Variants in UPF1 observed in about 807,000 individuals in gnomAD.
The protein encoded by UPF1 is UPF1 RNA helicase and ATPase, also known as regulator of nonsense transcripts 1.
UPF1 carries 9 observed loss-of-function variants against 129.2 expected under a neutral mutation model. That is an observed-to-expected ratio of 0.07 (90% confidence interval 0.04 to 0.12). The LOEUF is 0.12. UPF1 is among the 10% of genes least tolerant of loss of function. UPF1 has a pLI of 1.00. For synonymous variants in UPF1, 649 were observed against 644.9 expected (o/e 1.01, Z -0.10); for missense variants, 788 against 1,525.3 (o/e 0.52, Z 8.05).
At chr19:18,866,202 G>T (rs1374754715) in intron 23 of UPF1, 36 bp downstream of exon 23, 2 of 1,529,730 alleles carry the variant, frequency 1.3e-6, no homozygotes, top group South Asian at 1.2e-5. Flanking sequence ...CCCCACCCCA[G>T]CCTCAAGGAG....
At chr19:18,835,819 T>G (rs2055478070) in intron 1 of UPF1, among the ~76,000 whole-genome samples, 1 of 152,206 alleles carries the variant, frequency 6.6e-6, no homozygotes, top group Non-Finnish European at 1.5e-5. Flanking sequence ...TGGATGTGTT[T>G]ATAGACCTGC....
rs1253410526 is a variant in UPF1, at chr19:18,863,110, G to A, written c.2601-328G>A. The A allele has an allele frequency of 1.9e-5, 5 of 264,962 alleles. No homozygotes were observed. In the East Asian group the frequency reaches 2.3e-4, roughly 12 times the overall value. The allele number at this position is 264,962 out of a possible 1,614,324, so 16.4% of individuals were successfully genotyped here. The stretch of plus-strand genomic sequence containing the variant: ...GGGCATCGGGTCAGTGCCCCGGCCT[G>A]CTGGGGGCCCTGTGGGGCCGCGTGT... On this transcript the variant is annotated intron_variant, in intron 18 of 23. Transcript: ENST00000262803.
rs1053370590 is a variant in UPF1, at chr19:18,853,626, T to C, written c.1156+276T>C. On this transcript the variant is annotated intron_variant, in intron 8 of 23. Transcript: ENST00000262803. This position sits in a 1 kb window ranked among gnomAD's most constrained non-coding sequence, Gnocchi z 4.4. ...TCCCTGGGCTGACTCTGGAAGTTAA[T>C]GTATGCCGCTTGTGTGGCACGTCCC... Among the ~76,000 whole-genome samples, 8 of 152,190 alleles carry C rather than the reference T, an allele frequency of 5.3e-5. No individual in the cohort carries two copies. The highest frequency in any genetic ancestry group is 1.9e-4 in the African/African-American group (8 of 41,454).
rs560523571 is a variant in UPF1 at position 18,865,172 on chromosome 19, C to G, written c.2858-117C>G. On this transcript the variant is annotated intron_variant, in intron 20 of 23. Transcript: ENST00000262803. This position sits in a 1 kb window ranked among gnomAD's most constrained non-coding sequence, Gnocchi z 6.1. ...AGTCCTGCGAATCCGCATCTTCAGC[C>G]TGGGCAGAGCCAGGACAGATGTGCA... 1 of 1,310,788 alleles carries G rather than the reference C, an allele frequency of 7.6e-7. No homozygotes were observed. The highest frequency in any genetic ancestry group is 1.5e-5 in the South Asian group (1 of 66,576). 81.2% of individuals were successfully genotyped at this position (1,310,788 alleles called of 1,614,324 possible).
intron 13 of UPF1, 29 bp downstream of exon 13, chr19:18,856,329 C>A: frequency 6.4e-7 from 1 of 1,566,370 alleles, no homozygotes; most frequent in Non-Finnish European, 8.7e-7. Context: ...TGCAAAAGGG[C>A]CTGTGGGCTG....
At position 18,856,021 on chromosome 19, in the gene UPF1, G is replaced by A. The variant is rs1263191964; in HGVS notation, c.1641G>A (p.Lys547=). The A allele has an allele frequency of 6.2e-7, 1 of 1,614,058 alleles. No individual in the cohort carries two copies. The highest frequency in any genetic ancestry group is 1.7e-5 in the Admixed American group (1 of 60,028). The part of the protein sequence containing the change: ...TGLKVVRLCA[K]SREAIDSPVS... ...TAAAGGTCGTGCGCCTCTGCGCCAAGAGCCGTGAGGCCATCGACTCCCCGG... is the reference window on the plus strand; with the variant it reads ...TAAAGGTCGTGCGCCTCTGCGCCAAAAGCCGTGAGGCCATCGACTCCCCGG... The change falls in exon 12 of 24, where the codon AAG becomes AAA. Residue 547 remains lysine, a synonymous_variant. Transcript: ENST00000262803.
intron 6 of UPF1, 28 bp from the exon 7 acceptor site, chr19:18,852,959 C>G: frequency 1.3e-6 from 2 of 1,598,536 alleles, no homozygotes; most frequent in Non-Finnish European, 8.6e-7. Context: ...TGGAGGCTAA[C>G]CGGGGCTCTT....
Position 18,868,163 on chromosome 19 carries a change from G to T in UPF1, c.*1646G>T, listed in dbSNP as rs889060219. ...CCCAGGCGCACTGTACCAAGGCAAT[G>T]TAACTTTTGATTTTCGGTCAATTTA... On this transcript the variant is annotated 3_prime_UTR_variant, in exon 24 of 24. Coordinates refer to ENST00000262803, the MANE Select transcript of UPF1 (RefSeq NM_002911.4). 33 of 236,500 alleles carry T rather than the reference G, an allele frequency of 1.4e-4. No individual in the cohort carries two copies. Among genetic ancestry groups the T allele is most frequent in the African/African-American group, 7.4e-4 (33 of 44,640 alleles). 14.7% of individuals were successfully genotyped at this position (236,500 alleles called of 1,614,324 possible).
chr19:18,838,940 C>T (rs928870214), intron 1 of UPF1, among the ~76,000 whole-genome samples: 11 of 151,958 alleles, frequency 7.2e-5, no homozygotes, highest in African/African-American at 1.5e-4. Context: ...TTCAGGATGA[C>T]GGGGTGGGGG....
In UPF1 at chr19:18,850,046, G is replaced by C; in HGVS notation, c.462-29G>C. 6.2e-7 allele frequency: 1 copy of C among 1,613,820 alleles called. No homozygotes were observed. Among genetic ancestry groups the C allele is most frequent in the Non-Finnish European group, 8.5e-7 (1 of 1,179,874 alleles). On this transcript the variant is annotated intron_variant, in intron 3 of 23. Transcript: ENST00000262803. This position sits in a 1 kb window ranked among gnomAD's most constrained non-coding sequence, Gnocchi z 7.1. ...AGTGGTGAAAAGCCAAATTTTGGGT[G>C]TTAACCGTTTATCATTTCCTGGTTT... is the stretch of plus-strand genomic sequence containing the variant.
At chr19:18,841,076 G>A (rs752602864) in intron 1 of UPF1, among the ~76,000 whole-genome samples, 6 of 152,340 alleles carry the variant, frequency 3.9e-5, no homozygotes, top group South Asian at 2.1e-4. Context: ...TGCCTGCACC[G>A]TCCTCACCTC....
In UPF1 at chr19:18,865,194, T is replaced by C. The variant is rs1448756687; in HGVS notation, c.2858-95T>C. 1 of 1,425,582 alleles carries C rather than the reference T, an allele frequency of 7.0e-7. No individual in the cohort carries two copies. The highest frequency in any genetic ancestry group is 9.5e-7 in the Non-Finnish European group (1 of 1,053,382). 88.3% of individuals were successfully genotyped at this position (1,425,582 alleles called of 1,614,324 possible). A position where few individuals can be genotyped will look rare whatever the true frequency, so the allele number is the denominator to read the frequency against. ...AGCCTGGGCAGAGCCAGGACAGATG[T>C]GCAGCTCCGGCTGACTGGCTGGTGG... On this transcript the variant is annotated intron_variant, in intron 20 of 23. Coordinates refer to ENST00000262803, the MANE Select transcript of UPF1 (RefSeq NM_002911.4). This position sits in a 1 kb window ranked among gnomAD's most constrained non-coding sequence, Gnocchi z 6.1.
At chr19:18,849,945 A>G in intron 3 of UPF1, 130 bp from the exon 4 acceptor site, 1 of 1,158,898 alleles carries the variant, frequency 8.6e-7, no homozygotes, top group East Asian at 2.5e-5. Flanking sequence ...GAGATGCCAG[A>G]TGGATGAGGT....
intron 15 of UPF1, among the ~76,000 whole-genome samples, chr19:18,859,023 C>T (rs549595698): frequency 5.9e-5 from 9 of 152,298 alleles, no homozygotes; most frequent in African/African-American, 1.2e-4. Flanking sequence ...GCCCACCCCC[C>T]GGGTTGGGCC....
At chr19:18,846,267 AG>A (rs1381578895) in intron 2 of UPF1, 148 bp downstream of exon 2, 1 of 1,247,404 alleles carries the variant, frequency 8.0e-7, no homozygotes, top group African/African-American at 1.5e-5. Context: ...GAAATTGCTC[AG>A]GCCATGTGCA....
At chr19:18,854,533 G>T (rs942499151) in intron 8 of UPF1, 68 bp from the exon 9 acceptor site, 1 of 1,279,998 alleles carries the variant, frequency 7.8e-7, no homozygotes, top group Non-Finnish European at 1.1e-6. Context: ...TAAAGAGCGT[G>T]TACCAAGGGT....
At chr19:18,837,066 T>A (rs2055491494) in intron 1 of UPF1, among the ~76,000 whole-genome samples, 1 of 152,022 alleles carries the variant, frequency 6.6e-6, no homozygotes, top group South Asian at 2.1e-4. Flanking sequence ...ATACTTTTTT[T>A]AAAAGGCTGA....
At chr19:18,852,060 G>A in intron 5 of UPF1, 75 bp from the exon 6 acceptor site, 1 of 1,478,172 alleles carries the variant, frequency 6.8e-7, no homozygotes, top group Non-Finnish European at 9.0e-7. Flanking sequence ...CCATCCCTCT[G>A]GTGCCTCTGC....
In UPF1 at chr19:18,865,793, G is replaced by C; in HGVS notation, c.3237+15G>C. ...AGCTGTCCCAGGTGAGCCCGCCCCT[G>C]GGACGGGACTTACCTGAGTGAGGGT... On this transcript the variant is annotated intron_variant, in intron 22 of 23. Coordinates refer to ENST00000262803, the MANE Select transcript of UPF1 (RefSeq NM_002911.4). The surrounding 1 kb of genome is among the most constrained non-coding windows in gnomAD (Gnocchi z 6.1). 1 of 1,612,070 alleles carries C rather than the reference G, an allele frequency of 6.2e-7. No homozygotes were observed. The highest frequency in any genetic ancestry group is 1.7e-5 in the Admixed American group (1 of 60,018).
Sources: gnomAD v4.1 joint callset for allele counts (sites outside exome capture counted in the v4.1 genomes callset) on GRCh38, gnomAD v4.1.1 for gene constraint, Gnocchi (gnomAD v3.1) non-coding constraint, MANE v1.5 for transcripts, NCBI Gene and HGNC (gene_info 2026-07-23, HGNC 2026-07-21) for gene names.